Variants in SLC25A21 observed in about 807,000 individuals in gnomAD.
SLC25A21 encodes mitochondrial 2-oxodicarboxylate carrier.
A neutral mutation model predicts 43.8 loss-of-function variants in SLC25A21; 47 were observed. The ratio of observed to expected loss-of-function variants is 1.07; its 90% confidence interval spans 0.85 to 1.37. The LOEUF (loss-of-function observed/expected upper bound fraction) is 1.37, where lower values mean the gene tolerates loss of function less well. SLC25A21 is among the 40% of genes most tolerant of loss of function. The probability of loss-of-function intolerance (pLI) is 0.00; values close to 1 mark genes in which losing one functional copy is unlikely to be tolerated. For synonymous variants in SLC25A21, 131 were observed against 121.3 expected (o/e 1.08, Z -0.52); for missense variants, 352 against 350.2 (o/e 1.00, Z -0.04).
intron 2 of SLC25A21, among the ~76,000 whole-genome samples, chr14:36,826,421 T>C (rs556124272): frequency 6.6e-6 from 1 of 152,296 alleles, no homozygotes; most frequent in South Asian, 2.1e-4. Context: ...TCCTATGCAG[T>C]GAGGTCTCAT....
chr14:36,916,961 T>C (rs892699877), intron 1 of SLC25A21, among the ~76,000 whole-genome samples: 3 of 152,130 alleles, frequency 2.0e-5, no homozygotes, highest in South Asian at 2.1e-4. Flanking sequence ...CTAGATGTCC[T>C]TGCTCTTTCA....
intron 2 of SLC25A21, among the ~76,000 whole-genome samples, chr14:36,815,344 T>A (rs948998044): frequency 6.6e-6 from 1 of 151,588 alleles, no homozygotes; most frequent in Non-Finnish European, 1.5e-5. Flanking sequence ...AAAAAAAAAA[T>A]ACAGAGTAGC....
At chr14:36,692,852 C>A (rs1311604117) in intron 7 of SLC25A21, among the ~76,000 whole-genome samples, 1 of 152,334 alleles carries the variant, frequency 6.6e-6, no homozygotes, top group South Asian at 2.1e-4. Flanking sequence ...CAGCCCAAAT[C>A]ACATTTTCTT....
intron 1 of SLC25A21, among the ~76,000 whole-genome samples, chr14:37,026,180 T>G (rs1002384358): frequency 6.6e-6 from 1 of 152,178 alleles, no homozygotes; most frequent in Admixed American, 6.6e-5. Flanking sequence ...TTTGTAAAGA[T>G]TCTGTCACAC....
At chr14:36,965,808 G>C (rs74706272) in intron 1 of SLC25A21, among the ~76,000 whole-genome samples, 3,172 of 152,214 alleles carry the variant, frequency 0.021, 102 homozygotes, top group African/African-American at 0.068. Context: ...TCTGAGAACA[G>C]TTTGTGAATA....
chr14:37,146,277 T>TTG (rs150329855), intron 1 of SLC25A21, among the ~76,000 whole-genome samples: 3 of 152,186 alleles, frequency 2.0e-5, no homozygotes, highest in East Asian at 1.9e-4. Context: ...AGAGTTTCTT[T>TTG]TGTGTGTGTG....
chr14:37,070,007 T>G (rs1285357092), intron 1 of SLC25A21, among the ~76,000 whole-genome samples: 2 of 152,222 alleles, frequency 1.3e-5, no homozygotes, highest in Non-Finnish European at 2.9e-5. Flanking sequence ...CAAGTTACAC[T>G]CTTTCACAGA....
In SLC25A21 at chr14:36,874,393, C is replaced by A. The variant is rs7156065; in HGVS notation, c.119+563G>T. ...ATGCTCTAGATCATATTATACCCCA[C>A]AAAGTTTTGTTATTTTTCTTTTTTT... On this transcript the variant is annotated intron_variant, in intron 2 of 9. Transcript: ENST00000331299. Among the ~76,000 whole-genome samples the A allele has an allele frequency of 5.9e-5, 9 of 152,284 alleles. No individual in the cohort carries two copies. The East Asian group carries it at 1.7e-3, about 29-fold the overall frequency.
chr14:36,700,985 G>A (rs1883256651), intron 7 of SLC25A21, among the ~76,000 whole-genome samples: 1 of 152,146 alleles, frequency 6.6e-6, no homozygotes, highest in Non-Finnish European at 1.5e-5. Flanking sequence ...TTAAGTGAGA[G>A]TGAACTGCCT....
chr14:37,069,999 A>C (rs928984528), intron 1 of SLC25A21, among the ~76,000 whole-genome samples: 1 of 152,180 alleles, frequency 6.6e-6, no homozygotes, highest in African/African-American at 2.4e-5. Context: ...CTAGTGCACA[A>C]GTTACACTCT....
intron 1 of SLC25A21, among the ~76,000 whole-genome samples, chr14:36,958,527 C>T (rs1959398951): frequency 6.6e-6 from 1 of 152,188 alleles, no homozygotes; most frequent in Admixed American, 6.5e-5. Context: ...CCCAACTTCA[C>T]AGAGATATTA....
intron 1 of SLC25A21, among the ~76,000 whole-genome samples, chr14:36,930,500 C>G (rs941659080): frequency 6.6e-6 from 1 of 152,066 alleles, no homozygotes; most frequent in African/African-American, 2.4e-5. Context: ...TCTAGCCATT[C>G]CTCTTCATCC....
chr14:36,924,814 A>G lies in SLC25A21; in HGVS notation c.71-49810T>C, dbSNP rs564797145. Among the ~76,000 whole-genome samples, 18 of 152,338 alleles carry G rather than the reference A, an allele frequency of 1.2e-4. No homozygotes were observed. In the South Asian group the frequency reaches 3.7e-3, roughly 32 times the overall value. ...TAGCATTTATACTGTTTTAGGTAGT[A>G]TAAGTAATCTAGGGATGGTTTGAGT... is the stretch of plus-strand genomic sequence containing the variant. On this transcript the variant is annotated intron_variant, in intron 1 of 9. Coordinates refer to ENST00000331299, the MANE Select transcript of SLC25A21 (RefSeq NM_030631.4).
intron 6 of SLC25A21, among the ~76,000 whole-genome samples, chr14:36,724,887 T>C (rs17105125): frequency 0.27 from 40,995 of 152,042 alleles, 5,774 homozygotes; most frequent in African/African-American, 0.34. Context: ...CAAAATAATG[T>C]TATCACCTCA....
chr14:36,977,851 G>A (rs188074128), intron 1 of SLC25A21, among the ~76,000 whole-genome samples: 16 of 151,448 alleles, frequency 1.1e-4, no homozygotes, highest in African/African-American at 2.4e-4. Context: ...TTCTTTGCAC[G>A]TGGAACTTTA....
chr14:37,119,869 T>C (rs1351922862), intron 1 of SLC25A21, among the ~76,000 whole-genome samples: 2 of 152,154 alleles, frequency 1.3e-5, no homozygotes, highest in Non-Finnish European at 2.9e-5. Flanking sequence ...TACACTGTTC[T>C]CAGGTAGGGT....
At chr14:37,128,538 CTGTGTGTGTGTGTGTG>C (rs367948974) in intron 1 of SLC25A21, among the ~76,000 whole-genome samples, 4 of 122,706 alleles carry the variant, frequency 3.3e-5, no homozygotes, top group Non-Finnish European at 3.3e-5. Flanking sequence ...CTCTCTCTCT[CTGTGTGTGTGTGTGTG>C]TGTGTGTGTG....
intron 1 of SLC25A21, among the ~76,000 whole-genome samples, chr14:36,906,396 A>G (rs535290273): frequency 6.6e-6 from 1 of 152,294 alleles, no homozygotes; most frequent in East Asian, 1.9e-4. Context: ...AATGGTAGGG[A>G]AAAAAGCAGC....
intron 1 of SLC25A21, among the ~76,000 whole-genome samples, chr14:36,942,382 A>G (rs2138650892): frequency 6.6e-6 from 1 of 152,336 alleles, no homozygotes; most frequent in Admixed American, 6.5e-5. Flanking sequence ...GACAAGAACT[A>G]AGCAGGGAGC....
Sources: gnomAD v4.1 joint callset for allele counts (sites outside exome capture counted in the v4.1 genomes callset) on GRCh38, gnomAD v4.1.1 for gene constraint, MANE v1.5 for transcripts, NCBI Gene and HGNC (gene_info 2026-07-23, HGNC 2026-07-21) for gene names.